The following SDK1 variants were observed in gnomAD, a reference collection of about 807,000 sequenced individuals.
The protein encoded by SDK1 is protein sidekick-1.
SDK1 carries 157 observed loss-of-function variants against 245.5 expected under a neutral mutation model. The ratio of observed to expected loss-of-function variants is 0.64; its 90% confidence interval spans 0.56 to 0.73. SDK1 has a LOEUF of 0.73. Among genes scored for constraint, SDK1 ranks in the 30% least tolerant of loss-of-function variants. SDK1 has a pLI of 0.00. For synonymous variants in SDK1, 1,647 were observed against 1,278.5 expected, an observed-to-expected ratio of 1.29 and a Z score of -6.15; for missense variants, 3,583 against 3,002.3, an observed-to-expected ratio of 1.19 and a Z score of -4.52.
chr7:3,887,858 A>G (rs911499761), intron 5 of SDK1, among the ~76,000 whole-genome samples: 4 of 152,308 alleles, frequency 2.6e-5, no homozygotes, highest in Admixed American at 6.5e-5. Context: ...GTTAATTTCA[A>G]TATTTCTTTC....
intron 4 of SDK1, among the ~76,000 whole-genome samples, chr7:3,817,156 G>C (rs1329968177): frequency 2.6e-5 from 4 of 152,124 alleles, no homozygotes; most frequent in Admixed American, 2.6e-4. Flanking sequence ...ATATTTTCAT[G>C]GAAGCCAACG....
chr7:3,858,823 G>C (rs1004735574), intron 5 of SDK1, among the ~76,000 whole-genome samples: 1 of 148,340 alleles, frequency 6.7e-6, no homozygotes, highest in African/African-American at 2.5e-5. Flanking sequence ...TATAACAGTT[G>C]TCCCAAAATT....
chr7:3,590,218 G>A (rs1237846210), intron 1 of SDK1, among the ~76,000 whole-genome samples: 4 of 151,602 alleles, frequency 2.6e-5, no homozygotes, highest in East Asian at 1.9e-4. Flanking sequence ...TTTCTGTTAC[G>A]GATACTGGAG....
intron 1 of SDK1, among the ~76,000 whole-genome samples, chr7:3,453,493 A>G (rs1780582554): frequency 6.6e-6 from 1 of 152,200 alleles, no homozygotes; most frequent in Admixed American, 6.5e-5. Context: ...ATGCCAGTAC[A>G]AATATCCATA....
chr7:3,496,113 T>G (rs569379172), intron 1 of SDK1, among the ~76,000 whole-genome samples: 1 of 152,300 alleles, frequency 6.6e-6, no homozygotes, highest in South Asian at 2.1e-4. Context: ...TAGTGTGGTC[T>G]TGAATTCCTG....
chr7:3,472,021 G>T (rs568487326), intron 1 of SDK1, among the ~76,000 whole-genome samples: 1 of 152,018 alleles, frequency 6.6e-6, no homozygotes, highest in African/African-American at 2.4e-5. Context: ...TTTTGTAATC[G>T]GTATGACCCT....
chr7:4,185,994 G>T (rs1481320039), intron 35 of SDK1, among the ~76,000 whole-genome samples: 1 of 152,160 alleles, frequency 6.6e-6, no homozygotes, highest in African/African-American at 2.4e-5. Flanking sequence ...AGGGAGCTCA[G>T]GGAGGGCCTA....
rs1435939088 is a variant in SDK1 at position 3,644,649 on chromosome 7, C to T, written c.713+2544C>T. Among the ~76,000 whole-genome samples, 3 of 150,816 alleles carry T rather than the reference C, an allele frequency of 2.0e-5. No homozygotes were observed. In the East Asian group the frequency reaches 5.8e-4, roughly 29 times the overall value. ...GGTGTGGTGGCACGAACCTGTATTT[C>T]TAGCTATTTGCTACTTGGGAGGCTG... On this transcript the variant is annotated intron_variant, in intron 4 of 44. Coordinates refer to ENST00000404826, the MANE Select transcript of SDK1 (RefSeq NM_152744.4).
intron 1 of SDK1, among the ~76,000 whole-genome samples, chr7:3,475,285 G>A (rs1372697368): frequency 6.6e-6 from 1 of 152,054 alleles, no homozygotes; most frequent in East Asian, 1.9e-4. Flanking sequence ...CCCTCTGTCT[G>A]GAAGTGCTGC....
chr7:4,049,339 C>T lies in SDK1; in HGVS notation c.2603-9C>T. 6.2e-7 allele frequency: 1 copy of T among 1,611,854 alleles called. No individual in the cohort carries two copies. Among genetic ancestry groups the T allele is most frequent in the Non-Finnish European group, 8.5e-7 (1 of 1,178,336 alleles). ...TGTTCTGCTGTCATCAATGACTGCC[C>T]TGCCACAGTGCCCACCGCGCCCCCG... On this transcript the variant is annotated splice_polypyrimidine_tract_variant and intron_variant, in intron 17 of 44. Coordinates refer to ENST00000404826, the MANE Select transcript of SDK1 (RefSeq NM_152744.4).
chr7:3,789,577 G>T (rs1156664801), intron 4 of SDK1, among the ~76,000 whole-genome samples: 1 of 152,144 alleles, frequency 6.6e-6, no homozygotes, highest in African/African-American at 2.4e-5. Context: ...TATACTTTGG[G>T]AATTAAAAAA....
At chr7:3,799,722 AAT>A (rs2115033689) in intron 4 of SDK1, among the ~76,000 whole-genome samples, 1 of 148,638 alleles carries the variant, frequency 6.7e-6, no homozygotes, top group East Asian at 2.0e-4. Flanking sequence ...AAAAAAAAAA[AAT>A]GACCTCGTTT....
At chr7:3,476,429 CT>C (rs1180115580) in intron 1 of SDK1, among the ~76,000 whole-genome samples, 2 of 152,202 alleles carry the variant, frequency 1.3e-5, no homozygotes, top group Non-Finnish European at 2.9e-5. Context: ...CCAGACATTA[CT>C]TTTTCCTAGA....
At chr7:4,121,366 G>C (rs113228713) in intron 25 of SDK1, among the ~76,000 whole-genome samples, 96 of 152,264 alleles carry the variant, frequency 6.3e-4, no homozygotes, top group African/African-American at 2.3e-3. Flanking sequence ...GAGGTGATTG[G>C]ATCATGGGGG....
intron 1 of SDK1, among the ~76,000 whole-genome samples, chr7:3,350,442 G>A (rs1048596224): frequency 1.3e-5 from 2 of 152,156 alleles, no homozygotes; most frequent in South Asian, 2.1e-4. Flanking sequence ...CTGCTCCCCA[G>A]TGTAGTTGTA....
chr7:3,520,656 T>A (rs1335841314), intron 1 of SDK1, among the ~76,000 whole-genome samples: 1 of 129,910 alleles, frequency 7.7e-6, no homozygotes, highest in Non-Finnish European at 1.6e-5. Context: ...CTCTGCAATC[T>A]TCTCCTTAAA....
intron 17 of SDK1, among the ~76,000 whole-genome samples, chr7:4,024,970 C>T (rs2128155706): frequency 6.6e-6 from 1 of 152,032 alleles, no homozygotes; most frequent in Non-Finnish European, 1.5e-5. Context: ...GCAGTGGTTT[C>T]TGAGCACTTT....
intron 40 of SDK1, among the ~76,000 whole-genome samples, chr7:4,228,740 A>C (rs1452453289): frequency 1.3e-5 from 2 of 152,154 alleles, no homozygotes; most frequent in African/African-American, 4.8e-5. Context: ...GGGTTTCACC[A>C]TGTTGATCAG....
intron 5 of SDK1, among the ~76,000 whole-genome samples, chr7:3,938,042 G>A (rs780365862): frequency 6.6e-6 from 1 of 152,192 alleles, no homozygotes; most frequent in South Asian, 2.1e-4. Context: ...TCACCATGTT[G>A]CCCACACTGG....
Sources: gnomAD v4.1 joint callset for allele counts (sites outside exome capture counted in the v4.1 genomes callset) on GRCh38, gnomAD v4.1.1 for gene constraint, MANE v1.5 for transcripts, NCBI Gene and HGNC (gene_info 2026-07-23, HGNC 2026-07-21) for gene names.